RNF20: variants seen among roughly 807,000 people sequenced by gnomAD.
RNF20 encodes the protein E3 ubiquitin-protein ligase BRE1A.
In RNF20, 84 loss-of-function variants were observed where a neutral mutation model predicts 126.2. The observed-to-expected ratio is 0.67, with a 90% CI of 0.56 to 0.80. RNF20 has a LOEUF of 0.80. RNF20 is among the 30% of genes least tolerant of loss of function. The pLI, the probability that RNF20 is intolerant of heterozygous loss-of-function variation, is 0.00. For missense variants in RNF20, 869 were observed against 1,188.2 expected, an observed-to-expected ratio of 0.73 and a Z score of 3.95; for synonymous variants, 400 against 414.3, an observed-to-expected ratio of 0.97 and a Z score of 0.42.
intron 9 of RNF20, among the ~76,000 whole-genome samples, 172 bp downstream of exon 9, chr9:101,547,690 A>G (rs1827374743): frequency 6.6e-6 from 1 of 152,246 alleles, no homozygotes; most frequent in Non-Finnish European, 1.5e-5. Context: ...GTGTACCTCA[A>G]CATAATAAAG....
chr9:101,547,387 G>A lies in RNF20; in HGVS notation c.973-12G>A, dbSNP rs778091847. ...ATACTTATTTATTCTCTATTTTTCT[G>A]CTTCTCTGCAGTTTGAGGAAATGAA... On this transcript the variant is annotated splice_polypyrimidine_tract_variant and intron_variant, in intron 8 of 19. Coordinates refer to ENST00000389120, the MANE Select transcript of RNF20 (RefSeq NM_019592.7). 1.4e-5 allele frequency: 22 copies of A among 1,613,448 alleles called. No homozygotes were observed. Among genetic ancestry groups the A allele is most frequent in the Non-Finnish European group, 1.8e-5 (21 of 1,179,804 alleles).
intron 11 of RNF20, 131 bp from the exon 12 acceptor site, chr9:101,552,010 T>G (rs2118714953): frequency 5.8e-6 from 8 of 1,371,494 alleles, no homozygotes; most frequent in Non-Finnish European, 7.0e-6. Context: ...TGTTTTCATC[T>G]TCTGAGAAGG....
At chr9:101,539,140 T>C (rs950008775) in intron 2 of RNF20, among the ~76,000 whole-genome samples, 16 of 152,212 alleles carry the variant, frequency 1.1e-4, no homozygotes, top group Admixed American at 7.9e-4. Context: ...TTTTGTATGA[T>C]GTAAAAGGGG....
At chr9:101,557,758 C>T (rs532561758) in intron 16 of RNF20, among the ~76,000 whole-genome samples, 162 bp downstream of exon 16, 1 of 152,306 alleles carries the variant, frequency 6.6e-6, no homozygotes, top group South Asian at 2.1e-4. Flanking sequence ...TTATACATCT[C>T]TACTGTTATT....
rs1287413662 is a variant in RNF20 at position 101,540,914 on chromosome 9, G to T, written c.567G>T (p.Val189=). The T allele has an allele frequency of 1.2e-6, 2 of 1,614,040 alleles. No individual in the cohort carries two copies. Among genetic ancestry groups the T allele is most frequent in the African/African-American group, 1.3e-5 (1 of 74,988 alleles). The change falls in exon 5 of 20, where the codon GTG becomes GTT. Residue 189 remains valine (V), a synonymous_variant. Coordinates refer to ENST00000389120, the MANE Select transcript of RNF20 (RefSeq NM_019592.7). ...ESSRRAVSQI[V]TVYDKLQEKV... ...CCCGCCGAGCCGTGTCCCAGATTGT[G>T]ACTGTTTATGATAAATTGCAAGAAA...
At chr9:101,548,032 T>TA (rs1164438946) in intron 9 of RNF20, among the ~76,000 whole-genome samples, 1 of 151,840 alleles carries the variant, frequency 6.6e-6, no homozygotes, top group Non-Finnish European at 1.5e-5. Flanking sequence ...ACAAACTCTA[T>TA]AAAAAAGAAA....
chr9:101,559,737 G>C (rs1430868005), intron 16 of RNF20, among the ~76,000 whole-genome samples: 2 of 152,218 alleles, frequency 1.3e-5, no homozygotes, highest in African/African-American at 4.8e-5. Flanking sequence ...GCTCTGATTT[G>C]TGTACATTAA....
intron 5 of RNF20, 121 bp downstream of exon 5, chr9:101,541,096 A>G: frequency 1.4e-6 from 1 of 716,720 alleles, no homozygotes; most frequent in Non-Finnish European, 2.0e-6. Flanking sequence ...TTACTTTTTA[A>G]GAGATAAGGT....
intron 16 of RNF20, among the ~76,000 whole-genome samples, chr9:101,557,903 T>C (rs1358789355): frequency 1.3e-5 from 2 of 152,186 alleles, no homozygotes; most frequent in Non-Finnish European, 1.5e-5. Flanking sequence ...CTGTGCTGTA[T>C]ATTTTAAAAA....
At chr9:101,545,927 G>T (rs529113867) in intron 6 of RNF20, among the ~76,000 whole-genome samples, 2 of 152,106 alleles carry the variant, frequency 1.3e-5, no homozygotes, top group Non-Finnish European at 2.9e-5. Flanking sequence ...TGGGTTAATT[G>T]TCTACTGGGA....
chr9:101,535,338 T>C (rs1054551955), intron 1 of RNF20, 60 bp from the exon 2 acceptor site: 3 of 1,402,604 alleles, frequency 2.1e-6, no homozygotes, highest in African/African-American at 2.9e-5. Context: ...CTCTATTGTT[T>C]TACTCTATTG....
chr9:101,537,117 A>G (rs1827197242), intron 2 of RNF20, among the ~76,000 whole-genome samples: 1 of 152,214 alleles, frequency 6.6e-6, no homozygotes, highest in Non-Finnish European at 1.5e-5. Context: ...AGTGGGAACA[A>G]TGGCAGTGTA....
Position 101,560,982 on chromosome 9 carries a change from C to T in RNF20, c.2508+56C>T, listed in dbSNP as rs1385904607. The stretch of plus-strand genomic sequence containing the variant: ...CTCAGTGGAACAAATAAGTATAACA[C>T]TGTTGAGATTGTAAGTTCGCTTTAT... On this transcript the variant is annotated intron_variant, in intron 17 of 19. Coordinates refer to ENST00000389120, the MANE Select transcript of RNF20 (RefSeq NM_019592.7). The T allele has an allele frequency of 3.8e-6, 6 of 1,599,352 alleles. No individual in the cohort carries two copies. The African/African-American group carries it at 6.7e-5, about 18-fold the overall frequency.
chr9:101,557,943 GA>G (rs1827562746), intron 16 of RNF20, among the ~76,000 whole-genome samples: 2 of 151,604 alleles, frequency 1.3e-5, no homozygotes, highest in Non-Finnish European at 2.9e-5. Flanking sequence ...GAAACTGTTA[GA>G]ATTGTTACTT....
chr9:101,543,237 C>T (rs1827285038), intron 5 of RNF20, among the ~76,000 whole-genome samples: 1 of 152,242 alleles, frequency 6.6e-6, no homozygotes, highest in African/African-American at 2.4e-5. Flanking sequence ...TCTATAAATT[C>T]ATCTAACCCT....
In RNF20 at chr9:101,540,561, A is replaced by C. The variant is rs945507991; in HGVS notation, c.369A>C (p.Glu123Asp). ...LEQGLGDLLT[E>D]RKALVVPEPE... ...AGGGCTTGGGAGACCTACTCACAGA[A>C]CGAAAAGCCCTTGTTGTGCCTGAAC... Residue 123 changes from glutamate (E) to aspartate (D), a missense_variant, in exon 4 of 20, where the codon GAA becomes GAC. Around this residue, in one of 8 missense-constraint regions of RNF20, gnomAD observed 157 missense variants for 236.0 expected, o/e 0.67. Coordinates refer to ENST00000389120, the MANE Select transcript of RNF20 (RefSeq NM_019592.7). 1.2e-6 allele frequency: 2 copies of C among 1,614,144 alleles called. No homozygotes were observed. Among genetic ancestry groups the C allele is most frequent in the Non-Finnish European group, 1.7e-6 (2 of 1,180,018 alleles).
At chr9:101,554,628 G>T in intron 14 of RNF20, 66 bp from the exon 15 acceptor site, 2 of 1,381,910 alleles carry the variant, frequency 1.4e-6, no homozygotes, top group Non-Finnish European at 2.0e-6. Context: ...TCTTTGCACA[G>T]TATTAATTGA....
In RNF20 at chr9:101,547,507, G is replaced by C; in HGVS notation, c.1081G>C (p.Glu361Gln). ...QDFEEVTTQN[E>Q]KLKVELRSAV... is the part of the protein sequence containing the mutation. ...CTTTGAGGAGGTCACTACACAAAAT[G>C]AAAAGCTGAAGGTAGGAACGCATCC... The change falls in exon 9 of 20, where the codon GAA (glutamate) becomes CAA (glutamine). Residue 361 changes from glutamate (E) to glutamine (Q), a missense_variant. Transcript: ENST00000389120. 6.2e-7 allele frequency: 1 copy of C among 1,614,012 alleles called. No homozygotes were observed.
chr9:101,554,131 C>A (rs770935310), intron 14 of RNF20, 26 bp downstream of exon 14: 1 of 1,269,520 alleles, frequency 7.9e-7, no homozygotes, highest in African/African-American at 1.5e-5. Flanking sequence ...ATTACCTGTC[C>A]TTCTGGTTAA....
Sources: gnomAD v4.1 joint callset for allele counts (sites outside exome capture counted in the v4.1 genomes callset) on GRCh38, gnomAD v4.1.1 for gene constraint, gnomAD v4.1.1 regional missense constraint, MANE v1.5 for transcripts, NCBI Gene and HGNC (gene_info 2026-07-23, HGNC 2026-07-21) for gene names.